LITAF: variants seen among roughly 807,000 people sequenced by gnomAD.
LITAF encodes the protein lipopolysaccharide-induced tumor necrosis factor-alpha factor.
LITAF carries 9 observed loss-of-function variants against 14.5 expected under a neutral mutation model. That is an observed-to-expected ratio of 0.62 (90% CI 0.37 to 1.08). LITAF has a LOEUF of 1.08. LITAF is among the 50% of genes least tolerant of loss of function. The pLI, the probability that LITAF is intolerant of heterozygous loss-of-function variation, is 0.01. For synonymous variants in LITAF, 98 were observed against 88.2 expected (o/e 1.11, Z -0.62); for missense variants, 206 against 213.4 (o/e 0.97, Z 0.22).
intron 1 of LITAF, among the ~76,000 whole-genome samples, chr16:11,569,080 C>T (rs568849053): frequency 1.1e-4 from 17 of 152,068 alleles, no homozygotes; most frequent in Non-Finnish European, 2.4e-4. Context: ...AAGGGAAGGA[C>T]GAGTAGGACG....
chr16:11,579,010 G>C (rs926058974), intron 1 of LITAF, among the ~76,000 whole-genome samples: 1 of 152,148 alleles, frequency 6.6e-6, no homozygotes, highest in Non-Finnish European at 1.5e-5. Flanking sequence ...CCAACATGGG[G>C]AAACCCCATC....
intron 3 of LITAF, among the ~76,000 whole-genome samples, chr16:11,613,193 C>A (rs1212828362): frequency 6.6e-5 from 10 of 152,176 alleles, no homozygotes; most frequent in African/African-American, 2.2e-4. Context: ...GCACCTACCA[C>A]CACGCCTGGC....
At chr16:11,627,741 G>A (rs2065092675) in intron 3 of LITAF, among the ~76,000 whole-genome samples, 2 of 152,222 alleles carry the variant, frequency 1.3e-5, no homozygotes, top group African/African-American at 4.8e-5. Flanking sequence ...CTACTCTGGA[G>A]GCTGACGCAG....
chr16:11,595,134 T>C (rs75004479), intron 1 of LITAF, among the ~76,000 whole-genome samples: 3,020 of 152,272 alleles, frequency 0.02, 50 homozygotes, highest in Non-Finnish European at 0.029. Flanking sequence ...CGGTCACTCA[T>C]GTTTCCATAA....
At chr16:11,559,362 G>C (rs1363359937) in intron 1 of LITAF, among the ~76,000 whole-genome samples, 1 of 152,028 alleles carries the variant, frequency 6.6e-6, no homozygotes, top group Non-Finnish European at 1.5e-5. Flanking sequence ...TTGTATTTAA[G>C]TTTAAGCAAT....
chr16:11,567,994 G>A (rs1455988161), intron 1 of LITAF, among the ~76,000 whole-genome samples: 1 of 148,166 alleles, frequency 6.7e-6, no homozygotes, highest in Non-Finnish European at 1.5e-5. Flanking sequence ...AAAAAATAAA[G>A]ACGGTAGTTC....
chr16:11,601,456 G>A (rs2064925898), upstream of LITAF, among the ~76,000 whole-genome samples: 10 of 152,268 alleles, frequency 6.6e-5, no homozygotes, highest in South Asian at 2.1e-3. Context: ...GGTAAGGTTA[G>A]CTACTTGACC....
intron 3 of LITAF, among the ~76,000 whole-genome samples, chr16:11,631,712 G>A (rs773846142): frequency 6.6e-6 from 1 of 151,494 alleles, no homozygotes; most frequent in Admixed American, 6.6e-5. Flanking sequence ...CCTTCTCTCC[G>A]GTGTCTGTGG....
Position 11,548,559 on chromosome 16 carries a change from G to A in LITAF, c.*1078C>T, listed in dbSNP as rs1453374304. 4 of 452,706 alleles carry A rather than the reference G, an allele frequency of 8.8e-6. No homozygotes were observed. The highest frequency in any genetic ancestry group is 6.2e-5 in the South Asian group (4 of 64,034). 28.0% of individuals were successfully genotyped at this position (452,706 alleles called of 1,614,324 possible). On this transcript the variant is annotated 3_prime_UTR_variant, in exon 4 of 4. Coordinates refer to ENST00000622633, the MANE Select transcript of LITAF (RefSeq NM_001136472.2). ...AGAATCACATTAACCCCAAGTAAAG[G>A]CAGTAGATGAAATTATCCATTTCTT...
At chr16:11,607,736 C>T (rs946273696) in intron 3 of LITAF, among the ~76,000 whole-genome samples, 2 of 152,150 alleles carry the variant, frequency 1.3e-5, no homozygotes, top group Non-Finnish European at 2.9e-5. Flanking sequence ...ACCATAACAT[C>T]ACCAGACCAG....
chr16:11,638,562 G>A (rs868224690), upstream of LITAF, among the ~76,000 whole-genome samples: 14 of 151,582 alleles, frequency 9.2e-5, no homozygotes, highest in African/African-American at 2.9e-4. Flanking sequence ...TTAGCCGGGC[G>A]TGGTGGTGCA....
chr16:11,614,758 C>T (rs546478127), intron 3 of LITAF, among the ~76,000 whole-genome samples: 5 of 152,324 alleles, frequency 3.3e-5, no homozygotes, highest in South Asian at 4.1e-4. Flanking sequence ...TCAGTGTGCC[C>T]GGACTGTTTT....
At chr16:11,597,118 G>GCAC (rs1482408709) in intron 1 of LITAF, among the ~76,000 whole-genome samples, 1 of 152,098 alleles carries the variant, frequency 6.6e-6, no homozygotes, top group Non-Finnish European at 1.5e-5. Context: ...TAGGAACCAG[G>GCAC]CACCATTTCA....
At chr16:11,554,241 T>C (rs1001551514) in intron 2 of LITAF, among the ~76,000 whole-genome samples, 1 of 147,464 alleles carries the variant, frequency 6.8e-6, no homozygotes, top group Admixed American at 6.7e-5. Flanking sequence ...CAAAAACAAA[T>C]AAATAAATTT....
chr16:11,578,475 G>A (rs373514758), intron 1 of LITAF, among the ~76,000 whole-genome samples: 2 of 152,136 alleles, frequency 1.3e-5, no homozygotes, highest in African/African-American at 4.8e-5. Context: ...AGGTTGCAGC[G>A]AGCCAAGATC....
chr16:11,603,494 G>A (rs116670046), upstream of LITAF, among the ~76,000 whole-genome samples: 4 of 152,278 alleles, frequency 2.6e-5, no homozygotes, highest in East Asian at 3.9e-4. Context: ...AAGGAAACAC[G>A]CCTTGAGATG....
intron 3 of LITAF, among the ~76,000 whole-genome samples, chr16:11,618,334 G>A (rs1322431602): frequency 6.6e-6 from 1 of 152,212 alleles, no homozygotes; most frequent in Non-Finnish European, 1.5e-5. Context: ...GGCAAGGCGG[G>A]AGGAGAGCCC....
chr16:11,587,435 T>A (rs530001526), upstream of LITAF: 178 of 451,978 alleles, frequency 3.9e-4, 2 homozygotes, highest in African/African-American at 3.3e-3. Flanking sequence ...ACCAAGACAC[T>A]CTCTGTGCCT....
chr16:11,566,161 C>T (rs1330329570), intron 1 of LITAF, among the ~76,000 whole-genome samples: 2 of 152,130 alleles, frequency 1.3e-5, no homozygotes, highest in Admixed American at 6.6e-5. Context: ...TGTCATAAAG[C>T]AGTTTTCTTC....
Sources: allele counts gnomAD v4.1 joint callset (sites outside exome capture counted in the v4.1 genomes callset), GRCh38; gene constraint gnomAD v4.1.1; transcripts MANE v1.5; gene names NCBI Gene and HGNC (gene_info 2026-07-23, HGNC 2026-07-21).